DCAF8L2: variants seen among roughly 807,000 people sequenced by gnomAD.
DCAF8L2 encodes DDB1- and CUL4-associated factor 8-like protein 2.
For synonymous variants in DCAF8L2, 200 were observed against 190.9 expected (o/e 1.05, Z -0.39); for missense variants, 430 against 490.7 (o/e 0.88, Z 1.17).
At chrX:27,558,694 G>T in the DCAF8L2 span, among the ~76,000 whole-genome samples, 1 of 107,913 alleles carries the variant, frequency 9.3e-6, no homozygotes, top group Admixed American at 1.0e-4. Context: ...GTGCCATGCT[G>T]GTGTGCTGCA....
At chrX:27,689,556 A>G (rs746020927) in intron 3 of DCAF8L2, among the ~76,000 whole-genome samples, 8 of 112,849 alleles carry the variant, frequency 7.1e-5, no homozygotes, top group African/African-American at 1.9e-4. Flanking sequence ...ACCATAAGAT[A>G]TACGTACAAG....
the DCAF8L2 span, among the ~76,000 whole-genome samples, chrX:27,512,435 G>A: frequency 9.1e-6 from 1 of 110,376 alleles, no homozygotes; most frequent in East Asian, 2.9e-4. Flanking sequence ...TGTAATCCCA[G>A]CACTTTGGGG....
chrX:27,615,560 C>T (rs1005509935), intron 1 of DCAF8L2, among the ~76,000 whole-genome samples: 22 of 106,528 alleles, frequency 2.1e-4, no homozygotes, highest in African/African-American at 7.0e-4. Context: ...TCTAATCTAT[C>T]TATCTATATT....
the DCAF8L2 span, among the ~76,000 whole-genome samples, chrX:27,525,970 A>G: frequency 1.8e-5 from 2 of 111,127 alleles, no homozygotes; most frequent in Admixed American, 9.6e-5. Context: ...TTTTTCCTTC[A>G]TTTCAACTTT....
At chrX:27,505,832 C>G in the DCAF8L2 span, among the ~76,000 whole-genome samples, 1 of 111,826 alleles carries the variant, frequency 8.9e-6, no homozygotes, top group Admixed American at 9.5e-5. Flanking sequence ...AAAGACAGGT[C>G]CTCATGTCAG....
At chrX:27,636,127 A>G (rs893607563) in intron 2 of DCAF8L2, among the ~76,000 whole-genome samples, 12 of 111,218 alleles carry the variant, frequency 1.1e-4, no homozygotes, top group African/African-American at 3.9e-4. Flanking sequence ...AGAAATTTCT[A>G]TTAATGTCAA....
intron 2 of DCAF8L2, among the ~76,000 whole-genome samples, chrX:27,664,041 C>T (rs1435072098): frequency 9.2e-6 from 1 of 109,069 alleles, no homozygotes; most frequent in African/African-American, 3.3e-5. Flanking sequence ...CCTACAATGG[C>T]CTCTAAGTGT....
At chrX:27,587,963 CA>C (rs1182401820), upstream of DCAF8L2, among the ~76,000 whole-genome samples, 15 of 52,945 alleles carry the variant, frequency 2.8e-4, no homozygotes, top group Admixed American at 1.0e-3. Flanking sequence ...GAAGTGACTT[CA>C]GTACTTCCAT....
chrX:27,576,516 A>C, the DCAF8L2 span, among the ~76,000 whole-genome samples: 48,059 of 111,104 alleles, frequency 0.43, 8,718 homozygotes, highest in South Asian at 0.69. Context: ...TGATGGTTTA[A>C]AAAGGAAAAC....
chrX:27,679,125 T>C (rs1930239609), intron 3 of DCAF8L2, among the ~76,000 whole-genome samples: 1 of 110,811 alleles, frequency 9.0e-6, no homozygotes, highest in Non-Finnish European at 1.9e-5. Context: ...GAAAAGAGAA[T>C]AATGTCAGAT....
chrX:27,603,546 C>T (rs1926744524), intron 1 of DCAF8L2, among the ~76,000 whole-genome samples: 1 of 111,870 alleles, frequency 8.9e-6, no homozygotes, highest in Non-Finnish European at 1.9e-5. Flanking sequence ...AGCAAAGGGA[C>T]TACGGTTGTA....
At chrX:27,587,173 T>A (rs1464635229), upstream of DCAF8L2, among the ~76,000 whole-genome samples, 1 of 111,745 alleles carries the variant, frequency 8.9e-6, no homozygotes, top group Non-Finnish European at 1.9e-5. Flanking sequence ...CCTGTTCACA[T>A]GCTTTCCTTA....
At chrX:27,615,007 T>G (rs1927389606) in intron 1 of DCAF8L2, among the ~76,000 whole-genome samples, 1 of 111,460 alleles carries the variant, frequency 9.0e-6, no homozygotes, top group Non-Finnish European at 1.9e-5. Context: ...AGAAGTGCTC[T>G]GTAGCAAGTC....
At chrX:27,659,177 C>A (rs565016035) in intron 2 of DCAF8L2, among the ~76,000 whole-genome samples, 2 of 112,143 alleles carry the variant, frequency 1.8e-5, no homozygotes, top group South Asian at 7.4e-4. Context: ...TAATACTGAA[C>A]CCTATGTTGT....
At chrX:27,673,543 A>G (rs1930033121) in intron 2 of DCAF8L2, among the ~76,000 whole-genome samples, 1 of 107,712 alleles carries the variant, frequency 9.3e-6, no homozygotes, top group South Asian at 4.1e-4. Context: ...GGTTAGGTAT[A>G]ATATTAGTAA....
chrX:27,724,958 C>G (rs1460839176), intron 4 of DCAF8L2, among the ~76,000 whole-genome samples: 1 of 111,145 alleles, frequency 9.0e-6, no homozygotes, highest in African/African-American at 3.2e-5. Context: ...AACGGACTAA[C>G]AGCTTGAATA....
chrX:27,492,640 C>G, the DCAF8L2 span, among the ~76,000 whole-genome samples: 2 of 85,483 alleles, frequency 2.3e-5, no homozygotes, highest in Middle Eastern at 5.7e-3. Context: ...CCACCATGCC[C>G]AGCTAATTTT....
the DCAF8L2 span, among the ~76,000 whole-genome samples, chrX:27,492,763 G>C: frequency 3.6e-3 from 403 of 112,229 alleles, no homozygotes; most frequent in Non-Finnish European, 6.5e-3. Context: ...TTATAGGCGT[G>C]AGCCACCACG....
At chrX:27,536,561 C>A in the DCAF8L2 span, among the ~76,000 whole-genome samples, 1 of 111,753 alleles carries the variant, frequency 8.9e-6, no homozygotes, top group East Asian at 2.8e-4. Flanking sequence ...AAACTGTGTT[C>A]TTGTCACACG....
Sources: allele counts gnomAD v4.1 joint callset (sites outside exome capture counted in the v4.1 genomes callset), GRCh38; gene constraint gnomAD v4.1.1; transcripts MANE v1.5; gene names NCBI Gene and HGNC (gene_info 2026-07-23, HGNC 2026-07-21).